Variants in SLC41A1 observed in about 807,000 individuals in gnomAD.
SLC41A1 encodes solute carrier family 41 member 1.
A neutral mutation model predicts 47.3 loss-of-function variants in SLC41A1; 20 were observed. The observed-to-expected ratio is 0.42, with a 90% confidence interval of 0.30 to 0.61. The LOEUF is 0.61. SLC41A1 is among the 20% of genes least tolerant of loss of function. SLC41A1 has a pLI of 0.17. For missense variants in SLC41A1, 504 were observed against 674.1 expected, an observed-to-expected ratio of 0.75 and a Z score of 2.79; for synonymous variants, 282 against 272.7, an observed-to-expected ratio of 1.03 and a Z score of -0.34.
Position 205,799,750 on chromosome 1 carries a change from CCTT to C in SLC41A1, c.552+6_552+8del. 1 of 1,613,994 alleles carries C rather than the reference CCTT, an allele frequency of 6.2e-7. No homozygotes were observed. The highest frequency in any genetic ancestry group is 8.5e-7 in the Non-Finnish European group (1 of 1,179,930). ...CTTAGCCCACCCTCTCTGGTCCCTGCCTTCTTACCTGGATGAGGGCCATGTTCC... is the reference window on the plus strand; with the variant it reads ...CTTAGCCCACCCTCTCTGGTCCCTGCCTTACCTGGATGAGGGCCATGTTCC... On this transcript the variant is annotated splice_donor_region_variant and intron_variant, in intron 4 of 10. Transcript: ENST00000367137.
Position 205,812,972 on chromosome 1 carries a change from G to T in SLC41A1, c.-811C>A, listed in dbSNP as rs571601733. On this transcript the variant is annotated 5_prime_UTR_variant, in exon 1 of 11. Transcript: ENST00000367137. ...CCAGCCAAGGCGAGCGTCCAGCCGC[G>T]ACACCCGGCTCGCTACATTTCGCTT... 6.1e-6 allele frequency: 6 copies of T among 985,928 alleles called. 1 individual carries two copies. The South Asian group carries it at 2.3e-4, about 39-fold the overall frequency. The allele number at this position is 985,928 out of a possible 1,614,324, so 61.1% of individuals were successfully genotyped here.
At chr1:205,809,209 C>G (rs953597805) in intron 2 of SLC41A1, among the ~76,000 whole-genome samples, 8 of 152,198 alleles carry the variant, frequency 5.3e-5, no homozygotes, top group African/African-American at 1.9e-4. Flanking sequence ...TATCTAAAAA[C>G]AAAACTTTAA....
chr1:205,799,878 T>C lies in SLC41A1; in HGVS notation c.481-48A>G, dbSNP rs1417501212. ...CTGGAGCTTCAGGCTGGAAAAGGCC[T>C]GAAGCTCCATCCATTAGGCTCCTGC... is the stretch of plus-strand genomic sequence containing the variant. On this transcript the variant is annotated intron_variant, in intron 3 of 10. Coordinates refer to ENST00000367137, the MANE Select transcript of SLC41A1 (RefSeq NM_173854.6). 3.2e-6 allele frequency: 5 copies of C among 1,540,434 alleles called. No homozygotes were observed. In the Admixed American group the frequency reaches 8.5e-5, roughly 26 times the overall value.
intron 2 of SLC41A1, among the ~76,000 whole-genome samples, chr1:205,802,811 T>TG: frequency 2.0e-5 from 3 of 151,260 alleles, no homozygotes; most frequent in Admixed American, 6.6e-5. Context: ...TAGTAAGAGA[T>TG]CACCTCACAC....
At chr1:205,795,053 G>C (rs1333770253) in intron 9 of SLC41A1, 35 bp from the exon 10 acceptor site, 2 of 1,611,006 alleles carry the variant, frequency 1.2e-6, no homozygotes, top group East Asian at 4.5e-5. Flanking sequence ...AAAGAGGAGG[G>C]GAGGAGAAGA....
intron 2 of SLC41A1, among the ~76,000 whole-genome samples, chr1:205,809,306 G>A (rs1656086721): frequency 6.6e-6 from 1 of 152,232 alleles, no homozygotes; most frequent in Non-Finnish European, 1.5e-5. Context: ...ATGTCCCACC[G>A]ACTCTCATCC....
Position 205,791,674 on chromosome 1 carries a change from C to T in SLC41A1, c.1401G>A (p.Met467Ile), listed in dbSNP as rs778489377. 6.2e-7 allele frequency: 1 copy of T among 1,614,096 alleles called. No individual in the cohort carries two copies. Among genetic ancestry groups the T allele is most frequent in the Non-Finnish European group, 8.5e-7 (1 of 1,180,032 alleles). Residue 467 changes from methionine to isoleucine, a missense_variant, in exon 11 of 11, where the codon ATG (methionine) becomes ATA (isoleucine). By Grantham distance (10) the Met-to-Ile change is conservative (BLOSUM62 1). This residue lies in a region of SLC41A1 where 421 missense variants were observed against 601.6 expected (regional missense o/e 0.70). Coordinates refer to ENST00000367137, the MANE Select transcript of SLC41A1 (RefSeq NM_173854.6). This position sits in a 1 kb window ranked among gnomAD's most constrained non-coding sequence, Gnocchi z 4.0. ...TGTCCGGGTCCAGGCCCCGGCCCCA[C>T]ATCCAGTGCACCATCCAGTCTGCGA... ...LYIADWMVHWMWGRGLDPDNF... is the reference protein window; with the variant it reads ...LYIADWMVHWIWGRGLDPDNF...
chr1:205,803,502 A>T (rs1655938445), intron 2 of SLC41A1, among the ~76,000 whole-genome samples: 1 of 152,230 alleles, frequency 6.6e-6, no homozygotes, highest in Admixed American at 6.5e-5. Context: ...AGCCTTAAAA[A>T]GGAAGGAAAT....
At position 205,810,614 on chromosome 1, in the gene SLC41A1, C is replaced by A; in HGVS notation, c.-173G>T. On this transcript the variant is annotated 5_prime_UTR_variant, in exon 2 of 11. Coordinates refer to ENST00000367137, the MANE Select transcript of SLC41A1 (RefSeq NM_173854.6). The surrounding 1 kb of genome is among the most constrained non-coding windows in gnomAD (Gnocchi z 5.5). The stretch of plus-strand genomic sequence containing the variant: ...GGCACTGCAAAAACTGATCCACCAA[C>A]AGGCAGCCCCATCAAGCACTGAAGC... 2 of 917,478 alleles carry A rather than the reference C, an allele frequency of 2.2e-6. No homozygotes were observed. Among genetic ancestry groups the A allele is most frequent in the South Asian group, 3.2e-5 (2 of 61,584 alleles). 56.8% of individuals were successfully genotyped at this position (917,478 alleles called of 1,614,324 possible). A position where few individuals can be genotyped will look rare whatever the true frequency, so the allele number is the denominator to read the frequency against.
At position 205,800,621 on chromosome 1, in the gene SLC41A1, G is replaced by A. The variant is rs78713504; in HGVS notation, c.480+332C>T. Among the ~76,000 whole-genome samples the A allele has an allele frequency of 4.2e-4, 64 of 152,340 alleles. No homozygotes were observed. The East Asian group carries it at 0.011, about 27-fold the overall frequency. On this transcript the variant is annotated intron_variant, in intron 3 of 10. Coordinates refer to ENST00000367137, the MANE Select transcript of SLC41A1 (RefSeq NM_173854.6). ...GATCAGAGGAGGCCCCCATCTGTGC[G>A]GGTGGAGGAACCAGCATGATGCCTG...
Position 205,812,816 on chromosome 1 carries a change from C to T in SLC41A1, c.-655G>A. The stretch of plus-strand genomic sequence containing the variant: ...GACCCCACAGGACTGACCTGCCCCT[C>T]GCCTGGGAGGAAGGGGGGCGCCTGG... On this transcript the variant is annotated 5_prime_UTR_variant, in exon 1 of 11. Coordinates refer to ENST00000367137, the MANE Select transcript of SLC41A1 (RefSeq NM_173854.6). 5 of 985,134 alleles carry T rather than the reference C, an allele frequency of 5.1e-6. No individual in the cohort carries two copies. The highest frequency in any genetic ancestry group is 1.1e-4 in the East Asian group (1 of 8,792). 61.0% of individuals were successfully genotyped at this position (985,134 alleles called of 1,614,324 possible). A position where few individuals can be genotyped will look rare whatever the true frequency, so the allele number is the denominator to read the frequency against.
chr1:205,795,630 C>A, intron 8 of SLC41A1, 152 bp from the exon 9 acceptor site: 1 of 957,708 alleles, frequency 1.0e-6, no homozygotes, highest in Non-Finnish European at 1.6e-6. Context: ...TCACCAGTCC[C>A]CAAAAGAAGA....
chr1:205,797,126 G>A (rs1655768845), intron 7 of SLC41A1, 123 bp from the exon 8 acceptor site: 1 of 844,210 alleles, frequency 1.2e-6, no homozygotes. Context: ...GCTCTCAGGA[G>A]TTCCTCACCA....
chr1:205,800,557 CTG>C (rs1367351461), intron 3 of SLC41A1, among the ~76,000 whole-genome samples: 1 of 141,160 alleles, frequency 7.1e-6, no homozygotes, highest in Non-Finnish European at 1.5e-5. Context: ...CTGGGAGGGC[CTG>C]GCTCTGCTCC....
At chr1:205,809,075 T>C (rs550720588) in intron 2 of SLC41A1, among the ~76,000 whole-genome samples, 101 of 152,344 alleles carry the variant, frequency 6.6e-4, no homozygotes, top group Non-Finnish European at 1.3e-3. Flanking sequence ...GGTATTAATA[T>C]TTCTCTGAGT....
rs138084368 is a variant in SLC41A1 at position 205,810,172 on chromosome 1, C to T, written c.270G>A (p.Pro90=). Residue 90 remains proline (P), a synonymous_variant, in exon 2 of 11, where the codon CCG becomes CCA. Transcript: ENST00000367137. The surrounding 1 kb of genome is among the most constrained non-coding windows in gnomAD (Gnocchi z 5.5). The stretch of plus-strand genomic sequence containing the variant: ...CGATGGAAAAGGAGGTCTCCTTGAG[C>T]GGGGAAGGTGGCGCAGGGCCACGGT... ...STDRGPAPPS[P]LKETSFSIGL... is the part of the protein sequence containing the mutation. 159 of 1,614,210 alleles carry T rather than the reference C, an allele frequency of 9.9e-5. No homozygotes were observed. Among genetic ancestry groups the T allele is most frequent in the Non-Finnish European group, 1.0e-4 (122 of 1,180,036 alleles).
Position 205,810,539 on chromosome 1 carries a change from C to T in SLC41A1, c.-98G>A, listed in dbSNP as rs1656127001. On this transcript the variant is annotated 5_prime_UTR_variant, in exon 2 of 11. Coordinates refer to ENST00000367137, the MANE Select transcript of SLC41A1 (RefSeq NM_173854.6). The surrounding 1 kb of genome is among the most constrained non-coding windows in gnomAD (Gnocchi z 5.5). ...GAAAGAACTTAGTCTTGGGGTGAACCCAGGCTTGGGCGCCGCAGGACCTCT... is the reference window on the plus strand; with the variant it reads ...GAAAGAACTTAGTCTTGGGGTGAACTCAGGCTTGGGCGCCGCAGGACCTCT... The T allele has an allele frequency of 6.3e-7, 1 of 1,598,696 alleles. No individual in the cohort carries two copies. Among genetic ancestry groups the T allele is most frequent in the Admixed American group, 1.7e-5 (1 of 59,870 alleles).
chr1:205,807,743 A>G (rs1412225842), intron 2 of SLC41A1, among the ~76,000 whole-genome samples: 2 of 149,268 alleles, frequency 1.3e-5, no homozygotes, highest in Non-Finnish European at 3.0e-5. Context: ...GCGACTTCAA[A>G]CTCCTGGGCT....
Position 205,798,018 on chromosome 1 carries a change from G to C in SLC41A1, c.878C>G (p.Ala293Gly). 1 of 1,614,102 alleles carries C rather than the reference G, an allele frequency of 6.2e-7. No individual in the cohort carries two copies. The highest frequency in any genetic ancestry group is 8.5e-7 in the Non-Finnish European group (1 of 1,180,026). ...HWRYIYPLVC[A>G]FFVALLPVWV... ...GACAGGCAGCAGGGCCACAAAGAAA[G>C]CACACACCAGTGGGTAGATGTATCG... is the stretch of plus-strand genomic sequence containing the variant. The change falls in exon 7 of 11, where the codon GCT (alanine) becomes GGT (glycine). Residue 293 changes from alanine to glycine, a missense_variant. Transcript: ENST00000367137.
Sources: gnomAD v4.1 joint callset for allele counts (sites outside exome capture counted in the v4.1 genomes callset) on GRCh38, gnomAD v4.1.1 for gene constraint, gnomAD v4.1.1 regional missense constraint, Gnocchi (gnomAD v3.1) non-coding constraint, MANE v1.5 for transcripts, NCBI Gene and HGNC (gene_info 2026-07-23, HGNC 2026-07-21) for gene names.